Variants in SDHAF4 observed in about 807,000 individuals in gnomAD.
SDHAF4 encodes succinate dehydrogenase complex assembly factor 4, also known as succinate dehydrogenase assembly factor 4, mitochondrial.
SDHAF4 carries 14 observed loss-of-function variants against 14.3 expected under a neutral mutation model. That is an observed-to-expected ratio of 0.98 (90% CI 0.65 to 1.53). The LOEUF is 1.53. Ranked by LOEUF, SDHAF4 falls within the 40% of genes most tolerant of loss-of-function variation. The pLI, the probability that SDHAF4 is intolerant of heterozygous loss-of-function variation, is 0.00. For synonymous variants in SDHAF4, 63 were observed against 47.3 expected (o/e 1.33, Z -1.36); for missense variants, 141 against 129.3 (o/e 1.09, Z -0.44).
At chr6:70,582,698 C>A (rs991689712) in intron 2 of SDHAF4, among the ~76,000 whole-genome samples, 1 of 152,084 alleles carries the variant, frequency 6.6e-6, no homozygotes, top group Non-Finnish European at 1.5e-5. Flanking sequence ...TGATCACTAA[C>A]CAAGTCCTGT....
downstream of SDHAF4, among the ~76,000 whole-genome samples, chr6:70,592,236 A>G (rs1332586772): frequency 6.6e-6 from 1 of 152,214 alleles, no homozygotes; most frequent in Non-Finnish European, 1.5e-5. Context: ...AGGTGTTGGT[A>G]TAAAGTTACC....
At chr6:70,593,684 G>GT (rs68046686), downstream of SDHAF4, among the ~76,000 whole-genome samples, 65 of 123,216 alleles carry the variant, frequency 5.3e-4, no homozygotes, top group East Asian at 3.4e-3. Flanking sequence ...AGCTTCAAGG[G>GT]TTTTTTTTTG....
intron 1 of SDHAF4, among the ~76,000 whole-genome samples, chr6:70,570,306 A>C (rs1484089765): frequency 1.3e-5 from 2 of 152,126 alleles, no homozygotes; most frequent in Admixed American, 6.6e-5. Flanking sequence ...GCAAATGGTG[A>C]CAGTCTAGTT....
At chr6:70,571,968 C>G (rs554948509) in intron 1 of SDHAF4, among the ~76,000 whole-genome samples, 12 of 149,600 alleles carry the variant, frequency 8.0e-5, no homozygotes, top group Admixed American at 4.7e-4. Context: ...AATATGTACT[C>G]TCTTTTTCTC....
In SDHAF4 at chr6:70,568,052, C is replaced by T. The variant is rs375856550; in HGVS notation, c.64+1048C>T. On this transcript the variant is annotated intron_variant, in intron 1 of 2. Transcript: ENST00000370474. Reference sequence around the variant, plus strand: ...TAAGTTGAAAACAGTAATTATTGCCCTCAAATGGTGCCAGATTTCTATGCA... The same window carrying T: ...TAAGTTGAAAACAGTAATTATTGCCTTCAAATGGTGCCAGATTTCTATGCA... Among the ~76,000 whole-genome samples, 5 of 152,286 alleles carry T rather than the reference C, an allele frequency of 3.3e-5. No individual in the cohort carries two copies. In the East Asian group the frequency reaches 7.7e-4, roughly 23 times the overall value.
chr6:70,590,173 G>T (rs969791207), downstream of SDHAF4, among the ~76,000 whole-genome samples: 8 of 152,090 alleles, frequency 5.3e-5, no homozygotes, highest in South Asian at 1.5e-3. Flanking sequence ...GGGAGGCAGA[G>T]GTTGTAGTGA....
chr6:70,590,269 A>T (rs1183483149), downstream of SDHAF4, among the ~76,000 whole-genome samples: 1 of 152,104 alleles, frequency 6.6e-6, no homozygotes, highest in African/African-American at 2.4e-5. Flanking sequence ...AGAAAAGAAA[A>T]GCACACATTC....
downstream of SDHAF4, among the ~76,000 whole-genome samples, chr6:70,593,371 C>G (rs986978600): frequency 2.0e-5 from 3 of 152,260 alleles, no homozygotes; most frequent in Non-Finnish European, 4.4e-5. Context: ...TGCAGAGAAC[C>G]CCTCTGCTAG....
chr6:70,584,067 C>G (rs969532659), intron 2 of SDHAF4, among the ~76,000 whole-genome samples: 1 of 151,964 alleles, frequency 6.6e-6, no homozygotes, highest in South Asian at 2.1e-4. Context: ...GCTCTGTTGC[C>G]CAGGCTGGCT....
the SDHAF4 span, among the ~76,000 whole-genome samples, chr6:70,598,082 A>G: frequency 2.6e-5 from 4 of 152,214 alleles, no homozygotes; most frequent in Non-Finnish European, 2.9e-5. Context: ...CTTCTTTAAG[A>G]TCTTTCATTT....
chr6:70,589,909 T>A (rs960791372), downstream of SDHAF4, among the ~76,000 whole-genome samples: 13 of 152,134 alleles, frequency 8.5e-5, no homozygotes, highest in African/African-American at 3.1e-4. Flanking sequence ...GAGAAGAAAT[T>A]CAAAGACAAG....
chr6:70,590,346 T>C (rs1046147187), downstream of SDHAF4, among the ~76,000 whole-genome samples: 1 of 152,232 alleles, frequency 6.6e-6, no homozygotes, highest in African/African-American at 2.4e-5. Context: ...TCTACCTTTA[T>C]GGGTTTCTAT....
intron 1 of SDHAF4, among the ~76,000 whole-genome samples, chr6:70,572,058 CTTTTTTTTTTTTTTTTT>C (rs66688860): frequency 3.7e-5 from 2 of 53,512 alleles, no homozygotes; most frequent in African/African-American, 1.6e-4. Flanking sequence ...CTTTTTTTGT[CTTTTTTTTTTTTTTTTT>C]TTTTTTTTTT....
chr6:70,587,646 A>G (rs1765218688), intron 2 of SDHAF4, among the ~76,000 whole-genome samples: 1 of 152,220 alleles, frequency 6.6e-6, no homozygotes, highest in South Asian at 2.1e-4. Flanking sequence ...CTTAGAAGCT[A>G]TGTGATACGG....
downstream of SDHAF4, among the ~76,000 whole-genome samples, chr6:70,590,023 A>C (rs544314245): frequency 1.3e-5 from 2 of 152,310 alleles, no homozygotes; most frequent in South Asian, 4.1e-4. Context: ...CAATCACTTG[A>C]GGTCAGGAGT....
At chr6:70,586,738 A>G (rs905592707) in intron 2 of SDHAF4, among the ~76,000 whole-genome samples, 1 of 152,200 alleles carries the variant, frequency 6.6e-6, no homozygotes, top group African/African-American at 2.4e-5. Flanking sequence ...TTTTAGTGGG[A>G]GAGACAGACA....
intron 2 of SDHAF4, among the ~76,000 whole-genome samples, chr6:70,584,693 C>T (rs997210055): frequency 3.3e-5 from 5 of 151,950 alleles, no homozygotes; most frequent in African/African-American, 1.2e-4. Flanking sequence ...TGGAAAGATA[C>T]GAGGGTGTGG....
Position 70,588,636 on chromosome 6 carries a change from C to G in SDHAF4, c.239C>G (p.Pro80Arg). Residue 80 changes from proline (P) to arginine (R), a missense_variant, in exon 3 of 3, where the codon CCA becomes CGA. By Grantham distance (103) the Pro-to-Arg change is moderately radical. Transcript: ENST00000370474. ...PLEKFPDDVNPVTKEKGGPRG... is the reference protein window; with the variant it reads ...PLEKFPDDVNRVTKEKGGPRG... ...TTAGAATTTCCAGATGATGTTAATC[C>G]AGTGACCAAAGAAAAAGGTGGACCC... 6.3e-7 allele frequency: 1 copy of G among 1,596,652 alleles called. No individual in the cohort carries two copies. The highest frequency in any genetic ancestry group is 8.6e-7 in the Non-Finnish European group (1 of 1,168,362).
intron 1 of SDHAF4, among the ~76,000 whole-genome samples, chr6:70,575,306 A>G (rs1239881752): frequency 6.6e-6 from 1 of 152,076 alleles, no homozygotes; most frequent in African/African-American, 2.4e-5. Context: ...TGAACCCTGG[A>G]AGTGGAGGTT....
Sources: gnomAD v4.1 joint callset for allele counts (sites outside exome capture counted in the v4.1 genomes callset) on GRCh38, gnomAD v4.1.1 for gene constraint, MANE v1.5 for transcripts, NCBI Gene and HGNC (gene_info 2026-07-23, HGNC 2026-07-21) for gene names.